The following GULP1 variants were observed in gnomAD, a reference collection of about 807,000 sequenced individuals.
The protein encoded by GULP1 is PTB domain-containing engulfment adapter protein 1.
In GULP1, 19 loss-of-function variants were observed where a neutral mutation model predicts 40.9. That is an observed-to-expected ratio of 0.46 (90% confidence interval 0.32 to 0.68). The LOEUF (loss-of-function observed/expected upper bound fraction) is 0.68, where lower values mean the gene tolerates loss of function less well. GULP1 is among the 30% of genes least tolerant of loss of function. The pLI, the probability that GULP1 is intolerant of heterozygous loss-of-function variation, is 0.03. For synonymous variants in GULP1, 119 were observed against 117.6 expected (o/e 1.01, Z -0.08); for missense variants, 312 against 362.2 (o/e 0.86, Z 1.12).
intron 1 of GULP1, among the ~76,000 whole-genome samples, chr2:188,340,353 C>T (rs974362343): frequency 6.6e-6 from 1 of 152,086 alleles, no homozygotes; most frequent in African/African-American, 2.4e-5. Context: ...TTTTCTTGAC[C>T]CCTTCACAGG....
intron 2 of GULP1, among the ~76,000 whole-genome samples, chr2:188,384,478 G>A (rs566374334): frequency 6.6e-6 from 1 of 152,266 alleles, no homozygotes; most frequent in South Asian, 2.1e-4. Context: ...ATCAAGATAA[G>A]ATTTGGTTGG....
intron 4 of GULP1, among the ~76,000 whole-genome samples, chr2:188,517,671 T>C (rs532618922): frequency 6.6e-6 from 1 of 152,332 alleles, no homozygotes; most frequent in South Asian, 2.1e-4. Flanking sequence ...GACCCATCTA[T>C]TTCACATGGA....
At chr2:188,556,950 G>A (rs892707817) in intron 7 of GULP1, among the ~76,000 whole-genome samples, 2 of 152,000 alleles carry the variant, frequency 1.3e-5, no homozygotes, top group African/African-American at 2.4e-5. Context: ...TGTGAACCTG[G>A]GAGGCGGAGC....
intron 4 of GULP1, among the ~76,000 whole-genome samples, chr2:188,485,664 C>T (rs957336018): frequency 6.6e-6 from 1 of 151,958 alleles, no homozygotes; most frequent in Non-Finnish European, 1.5e-5. Flanking sequence ...ATGACTCCAA[C>T]ACTTATTTAC....
chr2:188,407,247 T>A (rs2053245518), intron 2 of GULP1, among the ~76,000 whole-genome samples: 1 of 152,164 alleles, frequency 6.6e-6, no homozygotes, highest in African/African-American at 2.4e-5. Context: ...CTTACAAGAA[T>A]TGCTAAATGA....
intron 1 of GULP1, among the ~76,000 whole-genome samples, chr2:188,313,170 C>T (rs1393115809): frequency 4.6e-5 from 7 of 151,950 alleles, no homozygotes; most frequent in African/African-American, 7.2e-5. Flanking sequence ...TTGCTTTTGA[C>T]GTTTTTGTTA....
chr2:188,481,628 G>A (rs186956208), intron 3 of GULP1, among the ~76,000 whole-genome samples: 23 of 151,998 alleles, frequency 1.5e-4, no homozygotes, highest in Admixed American at 1.4e-3. Flanking sequence ...CAGTTTTCAA[G>A]TAATAGTGGT....
At chr2:188,492,709 GA>G (rs1054667719) in intron 4 of GULP1, among the ~76,000 whole-genome samples, 18 of 151,388 alleles carry the variant, frequency 1.2e-4, no homozygotes, top group South Asian at 6.3e-4. Flanking sequence ...TTTAACAGAA[GA>G]AAAAAAAGTG....
rs572503809 is a variant in GULP1, at chr2:188,446,758, A to G, written c.-44-30901A>G. 7.2e-5 allele frequency among the ~76,000 whole-genome samples: 11 copies of G among 152,366 alleles called. No individual in the cohort carries two copies. In the South Asian group the frequency reaches 2.1e-3, roughly 29 times the overall value. Reference sequence around the variant, plus strand: ...ACAAAGAAAATCAGTGTTTGAACTTATATGGATGAAGTATGCTTTGACTTA... The same window carrying G: ...ACAAAGAAAATCAGTGTTTGAACTTGTATGGATGAAGTATGCTTTGACTTA... On this transcript the variant is annotated intron_variant, in intron 2 of 11. Transcript: ENST00000409830.
At chr2:188,307,206 T>G (rs937226086) in intron 1 of GULP1, among the ~76,000 whole-genome samples, 2 of 152,214 alleles carry the variant, frequency 1.3e-5, no homozygotes, top group Non-Finnish European at 2.9e-5. Flanking sequence ...GTTTTCATTT[T>G]GATTAACAAA....
intron 5 of GULP1, among the ~76,000 whole-genome samples, chr2:188,523,423 A>G (rs1685340825): frequency 6.6e-6 from 1 of 152,220 alleles, no homozygotes; most frequent in South Asian, 2.1e-4. Context: ...ATCTTACATA[A>G]GATGCTACAC....
chr2:188,590,710 G>A (rs1175477156), intron 11 of GULP1: 1 of 152,122 alleles, frequency 6.6e-6, no homozygotes, highest in Non-Finnish European at 1.5e-5. Flanking sequence ...TCCAGTACAT[G>A]TCACCAACAG....
intron 7 of GULP1, among the ~76,000 whole-genome samples, chr2:188,565,609 A>G (rs186782249): frequency 2.0e-5 from 3 of 152,200 alleles, no homozygotes; most frequent in Non-Finnish European, 2.9e-5. Flanking sequence ...TTATATTATT[A>G]CTTTGGAAAA....
chr2:188,423,327 G>A (rs962725024), intron 2 of GULP1, among the ~76,000 whole-genome samples: 1 of 151,840 alleles, frequency 6.6e-6, no homozygotes, highest in Non-Finnish European at 1.5e-5. Flanking sequence ...CCACTTTATG[G>A]TACTAATGGA....
chr2:188,341,730 T>C (rs531942185), intron 1 of GULP1, among the ~76,000 whole-genome samples: 1 of 152,258 alleles, frequency 6.6e-6, no homozygotes, highest in African/African-American at 2.4e-5. Context: ...ATATAAATTA[T>C]CACATTTCTT....
intron 6 of GULP1, among the ~76,000 whole-genome samples, chr2:188,536,805 A>G (rs1689057115): frequency 6.6e-6 from 1 of 152,096 alleles, no homozygotes; most frequent in South Asian, 2.1e-4. Flanking sequence ...AATTCTTCCA[A>G]TTCATGAGCA....
At chr2:188,316,736 T>C (rs2039142209) in intron 1 of GULP1, among the ~76,000 whole-genome samples, 1 of 152,162 alleles carries the variant, frequency 6.6e-6, no homozygotes, top group South Asian at 2.1e-4. Context: ...TCACCTAATA[T>C]ACTATATCAT....
intron 2 of GULP1, among the ~76,000 whole-genome samples, chr2:188,431,572 T>C (rs1350484840): frequency 6.6e-6 from 1 of 152,186 alleles, no homozygotes; most frequent in Non-Finnish European, 1.5e-5. Context: ...TATTTAGTTA[T>C]GTATTAGCAT....
intron 1 of GULP1, among the ~76,000 whole-genome samples, chr2:188,309,449 G>C (rs2037695464): frequency 6.6e-6 from 1 of 152,174 alleles, no homozygotes; most frequent in Non-Finnish European, 1.5e-5. Context: ...CTGGGCAATA[G>C]AGCGAGACCC....
Sources: allele counts gnomAD v4.1 joint callset (sites outside exome capture counted in the v4.1 genomes callset), GRCh38; gene constraint gnomAD v4.1.1; transcripts MANE v1.5; gene names NCBI Gene and HGNC (gene_info 2026-07-23, HGNC 2026-07-21).